Variants in FGD1 observed in about 807,000 individuals in gnomAD.
FGD1 encodes the protein FYVE, RhoGEF and PH domain-containing protein 1.
A neutral mutation model predicts 65.0 loss-of-function variants in FGD1; 12 were observed. That is an observed-to-expected ratio of 0.18 (90% CI 0.12 to 0.30). The LOEUF is 0.30. Among genes scored for constraint, FGD1 ranks in the 10% least tolerant of loss-of-function variants. FGD1 has a pLI of 1.00. For synonymous variants in FGD1, 333 were observed against 343.9 expected (o/e 0.97, Z 0.35); for missense variants, 542 against 837.6 (o/e 0.65, Z 4.36).
intron 13 of FGD1, among the ~76,000 whole-genome samples, chrX:54,450,031 T>G (rs1334087568): frequency 9.0e-6 from 1 of 111,403 alleles, no homozygotes; most frequent in African/African-American, 3.3e-5. Flanking sequence ...TTACAGAGCT[T>G]GACACCCTCA....
intron 12 of FGD1, among the ~76,000 whole-genome samples, chrX:54,453,210 C>T (rs1241704215): frequency 9.0e-6 from 1 of 111,299 alleles, no homozygotes; most frequent in East Asian, 2.8e-4. Flanking sequence ...GCTTTGCTCT[C>T]ACTTTCCCTG....
At chrX:54,494,737 C>T (rs1354271447) in intron 1 of FGD1, among the ~76,000 whole-genome samples, 3 of 111,379 alleles carry the variant, frequency 2.7e-5, no homozygotes, top group Non-Finnish European at 5.6e-5. Context: ...ACAATGTAGG[C>T]GCTTGGCAAA....
chrX:54,449,826 C>T, intron 13 of FGD1, 66 bp from the exon 14 acceptor site: 1 of 789,231 alleles, frequency 1.3e-6, no homozygotes, highest in Non-Finnish European at 1.9e-6. Flanking sequence ...CTACCCTCGC[C>T]TCACCTTCGT....
chrX:54,474,598 C>T (rs1311974086), intron 1 of FGD1, among the ~76,000 whole-genome samples: 7 of 112,948 alleles, frequency 6.2e-5, no homozygotes, highest in Non-Finnish European at 9.4e-5. Context: ...ATGGAGGAGG[C>T]GCTCCTCTCC....
chrX:54,465,263 C>G (rs1178816391), intron 8 of FGD1, among the ~76,000 whole-genome samples, 188 bp downstream of exon 8: 2 of 106,765 alleles, frequency 1.9e-5, no homozygotes, highest in African/African-American at 6.8e-5. Context: ...GAAGGAGGAT[C>G]TCATCCTGGG....
rs1446697245 is a variant in FGD1 at position 54,462,104 on chromosome X, G to A, written c.1636+3347C>T. 4.5e-5 allele frequency among the ~76,000 whole-genome samples: 5 copies of A among 111,396 alleles called. No individual in the cohort carries two copies. The East Asian group carries it at 1.4e-3, about 31-fold the overall frequency. On this transcript the variant is annotated intron_variant, in intron 8 of 17. Transcript: ENST00000375135. ...AGAATGGGCTTAGTATGAAGGTTCAGTTTGGAGATGTCAGTCCATAGGGCC... is the reference window on the plus strand; with the variant it reads ...AGAATGGGCTTAGTATGAAGGTTCAATTTGGAGATGTCAGTCCATAGGGCC...
rs759463614 is a variant in FGD1 at position 54,466,940 on chromosome X, G to A, written c.1340+844C>T. Among the ~76,000 whole-genome samples the A allele has an allele frequency of 9.1e-5, 10 of 109,536 alleles. No individual in the cohort carries two copies. In the East Asian group the frequency reaches 2.6e-3, roughly 29 times the overall value. ...AATTTTTTGTATTTTTAGTAGAGAC[G>A]GGATTTTACCGTGTTAGCCAGGATG... On this transcript the variant is annotated intron_variant, in intron 6 of 17. Transcript: ENST00000375135.
At chrX:54,478,332 T>C (rs139198834) in intron 1 of FGD1, among the ~76,000 whole-genome samples, 4 of 110,706 alleles carry the variant, frequency 3.6e-5, no homozygotes, top group South Asian at 3.8e-4. Context: ...TTTTCTGCCA[T>C]GGGCATCTGA....
In FGD1 at chrX:54,495,154, G is replaced by A. The variant is rs1454745191; in HGVS notation, c.279C>T (p.Tyr93=). The change falls in exon 1 of 18, where the codon TAC becomes TAT. Residue 93 remains tyrosine (Y), a synonymous_variant. Coordinates refer to ENST00000375135, the MANE Select transcript of FGD1 (RefSeq NM_004463.3). ...GCCGAGGCTGCGAGCCCTCCAGGTG[G>A]TAAGAGAAGCGCAGGGCCCGGTGGT... ...PQHHRALRFS[Y]HLEGSQPRPG... is the part of the protein sequence containing the mutation. The A allele has an allele frequency of 1.9e-5, 23 of 1,185,815 alleles. No individual in the cohort carries two copies. Among genetic ancestry groups the A allele is most frequent in the Non-Finnish European group, 2.4e-5 (21 of 883,903 alleles).
chrX:54,482,929 G>C (rs66929746), intron 1 of FGD1, among the ~76,000 whole-genome samples: 1 of 111,589 alleles, frequency 9.0e-6, no homozygotes, highest in Non-Finnish European at 1.9e-5. Context: ...GTGACAATGT[G>C]CCATGCCAAG....
rs888998909 is a variant in FGD1, at chrX:54,470,327, A to C, written c.790T>G (p.Cys264Gly). ...PQLPEGEASRCLFLLAPGPRD... is the reference protein window; with the variant it reads ...PQLPEGEASRGLFLLAPGPRD... The stretch of plus-strand genomic sequence containing the variant: ...GGCCCAGGAGCCAGCAGAAACAGGC[A>C]GCGGGAGGCCTCACCCTCGGGGAGC... Residue 264 changes from cysteine (C) to glycine (G), a missense_variant, in exon 4 of 18, where the codon TGC (cysteine) becomes GGC (glycine). By Grantham distance (159) the Cys-to-Gly change is radical (BLOSUM62 -3). Around this residue, in one of 6 missense-constraint regions of FGD1, gnomAD observed 297 missense variants for 326.8 expected, o/e 0.91. Coordinates refer to ENST00000375135, the MANE Select transcript of FGD1 (RefSeq NM_004463.3). The C allele has an allele frequency of 8.3e-7, 1 of 1,206,419 alleles. No individual in the cohort carries two copies. Among genetic ancestry groups the C allele is most frequent in the Non-Finnish European group, 1.1e-6 (1 of 893,390 alleles).
At chrX:54,456,689 G>C (rs1398757831) in intron 8 of FGD1, 122 bp from the exon 9 acceptor site, 1 of 534,700 alleles carries the variant, frequency 1.9e-6, no homozygotes, top group Non-Finnish European at 3.0e-6. Flanking sequence ...CTGGAGTGCA[G>C]CGGCATGATC....
At chrX:54,470,490 G>A in intron 3 of FGD1, 33 bp from the exon 4 acceptor site, 2 of 1,186,147 alleles carry the variant, frequency 1.7e-6, no homozygotes, top group South Asian at 3.6e-5. Flanking sequence ...ATGGAAGCAG[G>A]GTATGAGCTT....
At chrX:54,478,351 G>A (rs1386608675) in intron 1 of FGD1, among the ~76,000 whole-genome samples, 2 of 110,353 alleles carry the variant, frequency 1.8e-5, no homozygotes, top group South Asian at 3.8e-4. Context: ...GAATGCTCAC[G>A]ACAGTGCCAT....
intron 1 of FGD1, among the ~76,000 whole-genome samples, chrX:54,488,584 CAACAACAACAACAA>C (rs1923345019): frequency 9.0e-6 from 1 of 111,096 alleles, no homozygotes; most frequent in Admixed American, 9.7e-5. Context: ...GACTCCATCT[CAACAACAACAACAA>C]AACAACAACA....
intron 1 of FGD1, among the ~76,000 whole-genome samples, chrX:54,493,388 C>A (rs1362681070): frequency 8.9e-6 from 1 of 111,881 alleles, no homozygotes; most frequent in Non-Finnish European, 1.9e-5. Context: ...GGAAGATAGG[C>A]AATAAACGAG....
At chrX:54,479,780 CAAAAA>C (rs61712565) in intron 1 of FGD1, among the ~76,000 whole-genome samples, 1 of 25,377 alleles carries the variant, frequency 3.9e-5, no homozygotes, top group Non-Finnish European at 9.6e-5. Context: ...CTCCGCTTGA[CAAAAA>C]AAAAAAAAAA....
At chrX:54,481,155 C>CTA (rs1464096293) in intron 1 of FGD1, among the ~76,000 whole-genome samples, 1 of 110,232 alleles carries the variant, frequency 9.1e-6, no homozygotes, top group Non-Finnish European at 1.9e-5. Flanking sequence ...CTTGCAGGTC[C>CTA]TATCTCCCAC....
intron 2 of FGD1, 37 bp from the exon 3 acceptor site, chrX:54,470,797 C>G: frequency 1.3e-6 from 1 of 750,120 alleles, no homozygotes; most frequent in Non-Finnish European, 1.9e-6. Context: ...AGGGAGACAT[C>G]AGTGAGCTGG....
Sources: allele counts gnomAD v4.1 joint callset (sites outside exome capture counted in the v4.1 genomes callset), GRCh38; gene constraint gnomAD v4.1.1; regional missense constraint gnomAD v4.1.1; transcripts MANE v1.5; gene names NCBI Gene and HGNC (gene_info 2026-07-23, HGNC 2026-07-21).